UBASH3B: variants seen among roughly 807,000 people sequenced by gnomAD.
The protein encoded by UBASH3B is ubiquitin-associated and SH3 domain-containing protein B.
UBASH3B carries 37 observed loss-of-function variants against 83.4 expected under a neutral mutation model. The ratio of observed to expected loss-of-function variants is 0.44; its 90% CI spans 0.34 to 0.58. The LOEUF is 0.58. Among genes scored for constraint, UBASH3B ranks in the 20% least tolerant of loss-of-function variants. UBASH3B has a pLI of 0.01. For missense variants in UBASH3B, 657 were observed against 827.2 expected (o/e 0.79, Z 2.52); for synonymous variants, 304 against 318.3 (o/e 0.96, Z 0.48).
intron 1 of UBASH3B, among the ~76,000 whole-genome samples, chr11:122,718,560 G>A (rs1326300630): frequency 6.6e-6 from 1 of 152,202 alleles, no homozygotes; most frequent in Non-Finnish European, 1.5e-5. Flanking sequence ...AGTAGGGATT[G>A]TGTGAGGATT....
At chr11:122,701,444 T>G (rs1591776075) in intron 1 of UBASH3B, among the ~76,000 whole-genome samples, 1 of 152,214 alleles carries the variant, frequency 6.6e-6, no homozygotes, top group East Asian at 1.9e-4. Flanking sequence ...GTTCTGCTGG[T>G]CACCCGATGG....
intron 1 of UBASH3B, among the ~76,000 whole-genome samples, chr11:122,687,947 A>AT (rs1863829303): frequency 6.6e-6 from 1 of 151,930 alleles, no homozygotes; most frequent in African/African-American, 2.4e-5. Context: ...TTATACATAA[A>AT]TTTTGTTTTC....
At chr11:122,674,303 C>G (rs11600391) in intron 1 of UBASH3B, among the ~76,000 whole-genome samples, 36,669 of 151,492 alleles carry the variant, frequency 0.24, 4,597 homozygotes, top group Middle Eastern at 0.27. Context: ...ATTCTCAAAG[C>G]TGTTGGAGGT....
intron 1 of UBASH3B, among the ~76,000 whole-genome samples, chr11:122,732,060 G>A (rs778195634): frequency 2.6e-5 from 4 of 152,232 alleles, no homozygotes; most frequent in South Asian, 2.1e-4. Context: ...ACCTGCTTCC[G>A]GGGTGTCTCC....
At chr11:122,760,360 T>A (rs978594875) in intron 1 of UBASH3B, among the ~76,000 whole-genome samples, 3 of 151,856 alleles carry the variant, frequency 2.0e-5, no homozygotes, top group Non-Finnish European at 4.4e-5. Flanking sequence ...AGTTTTTTTT[T>A]TTTTTGTTAT....
intron 1 of UBASH3B, among the ~76,000 whole-genome samples, chr11:122,708,314 G>A (rs989005084): frequency 1.7e-5 from 2 of 117,238 alleles, no homozygotes; most frequent in Non-Finnish European, 3.5e-5. Context: ...TTTTTGAGAT[G>A]GAGTTTCACT....
At chr11:122,798,604 G>A (rs1013873781) in intron 9 of UBASH3B, among the ~76,000 whole-genome samples, 4 of 151,732 alleles carry the variant, frequency 2.6e-5, no homozygotes, top group East Asian at 1.9e-4. Context: ...CCAGCTACTC[G>A]GGAGGCTGAG....
chr11:122,809,541 C>T (rs918438948), intron 13 of UBASH3B, among the ~76,000 whole-genome samples: 2 of 147,982 alleles, frequency 1.4e-5, no homozygotes, highest in Admixed American at 7.0e-5. Context: ...CTGATGAATC[C>T]TCTTGCAATG....
At chr11:122,681,225 C>T (rs1469444403) in intron 1 of UBASH3B, among the ~76,000 whole-genome samples, 1 of 152,036 alleles carries the variant, frequency 6.6e-6, no homozygotes, top group African/African-American at 2.4e-5. Context: ...GTTTCTTATC[C>T]ATAACTGTAG....
intron 1 of UBASH3B, among the ~76,000 whole-genome samples, chr11:122,765,195 A>G (rs2282645): frequency 0.072 from 10,908 of 152,254 alleles, 416 homozygotes; most frequent in South Asian, 0.13. Context: ...TAGCCAAGGT[A>G]AATGTCAGGG....
chr11:122,808,233 G>A (rs1355939330), intron 13 of UBASH3B, 57 bp downstream of exon 13: 14 of 1,307,596 alleles, frequency 1.1e-5, no homozygotes, highest in African/African-American at 1.5e-5. Flanking sequence ...AGTCAGTACA[G>A]TGACTGGCTG....
At chr11:122,730,052 G>A (rs914276233) in intron 1 of UBASH3B, among the ~76,000 whole-genome samples, 3 of 147,688 alleles carry the variant, frequency 2.0e-5, no homozygotes, top group East Asian at 2.1e-4. Flanking sequence ...TTTGGAGGCC[G>A]AGGCAGGTGG....
intron 1 of UBASH3B, among the ~76,000 whole-genome samples, chr11:122,706,452 G>C (rs762747308): frequency 6.6e-6 from 1 of 152,130 alleles, no homozygotes; most frequent in Non-Finnish European, 1.5e-5. Context: ...CTCCCATAAA[G>C]GTCTGGAGAA....
intron 3 of UBASH3B, 48 bp downstream of exon 3, chr11:122,777,258 C>CT (rs1344904822): frequency 6.4e-7 from 1 of 1,557,780 alleles, no homozygotes; most frequent in African/African-American, 1.4e-5. Context: ...CCTAGGATCC[C>CT]AGCCGGCCCT....
chr11:122,792,124 G>A (rs1861064776), intron 6 of UBASH3B, among the ~76,000 whole-genome samples: 1 of 152,104 alleles, frequency 6.6e-6, no homozygotes, highest in Non-Finnish European at 1.5e-5. Flanking sequence ...CAGTTAAGAA[G>A]GGAAAGAGGC....
At chr11:122,738,227 T>C (rs1223686939) in intron 1 of UBASH3B, among the ~76,000 whole-genome samples, 1 of 152,226 alleles carries the variant, frequency 6.6e-6, no homozygotes, top group East Asian at 1.9e-4. Flanking sequence ...AACGATTGCA[T>C]TGTATTTAGA....
intron 1 of UBASH3B, among the ~76,000 whole-genome samples, chr11:122,675,219 TA>T (rs1479612020): frequency 1.3e-5 from 2 of 152,234 alleles, no homozygotes; most frequent in Non-Finnish European, 2.9e-5. Context: ...ATCACAGCTT[TA>T]AACTTGCACA....
intron 3 of UBASH3B, among the ~76,000 whole-genome samples, chr11:122,778,163 A>C (rs1243522047): frequency 2.4e-4 from 37 of 152,182 alleles, no homozygotes; most frequent in Non-Finnish European, 4.3e-4. Flanking sequence ...TAGCATTTTA[A>C]ACCATTTTTA....
At position 122,801,225 on chromosome 11, in the gene UBASH3B, G is replaced by A; in HGVS notation, c.1488G>A (p.Glu496=). 1 of 1,601,030 alleles carries A rather than the reference G, an allele frequency of 6.2e-7. No individual in the cohort carries two copies. Among genetic ancestry groups the A allele is most frequent in the Non-Finnish European group, 8.5e-7 (1 of 1,173,784 alleles). The part of the protein sequence containing the change: ...QQENHLKIRV[E]PGLFEWTKWV... ...AAAATCACTTGAAGATCCGTGTAGA[G>A]CCCGGCTTATTTGAGTGGACAAAAT... The change falls in exon 11 of 14, where the codon GAG becomes GAA. Residue 496 remains glutamate, a synonymous_variant. Coordinates refer to ENST00000284273, the MANE Select transcript of UBASH3B (RefSeq NM_032873.5).
Sources: gnomAD v4.1 joint callset for allele counts (sites outside exome capture counted in the v4.1 genomes callset) on GRCh38, gnomAD v4.1.1 for gene constraint, MANE v1.5 for transcripts, NCBI Gene and HGNC (gene_info 2026-07-23, HGNC 2026-07-21) for gene names.